The following XPR1 variants were observed in gnomAD, a reference collection of about 807,000 sequenced individuals.
XPR1 encodes the protein xenotropic and polytropic retrovirus receptor 1, also known as solute carrier family 53 member 1.
Under a neutral mutation model 87.5 loss-of-function variants are expected in XPR1, and 28 were observed. The ratio of observed to expected loss-of-function variants is 0.32; its 90% CI spans 0.24 to 0.44. The LOEUF is 0.44. Ranked by LOEUF, XPR1 falls within the 20% of genes least tolerant of loss-of-function variation. The pLI, the probability that XPR1 is intolerant of heterozygous loss-of-function variation, is 1.00. For missense variants in XPR1, 559 were observed against 862.3 expected (o/e 0.65, Z 4.41); for synonymous variants, 300 against 306.1 (o/e 0.98, Z 0.21).
At chr1:180,736,499 G>A (rs1435709577) in intron 2 of XPR1, among the ~76,000 whole-genome samples, 1 of 152,142 alleles carries the variant, frequency 6.6e-6, no homozygotes, top group Non-Finnish European at 1.5e-5. Context: ...GCATTCCGTA[G>A]TTTGTTAGTA....
intron 1 of XPR1, among the ~76,000 whole-genome samples, chr1:180,661,656 G>A (rs1229927265): frequency 6.6e-6 from 1 of 152,072 alleles, no homozygotes; most frequent in Non-Finnish European, 1.5e-5. Context: ...GATCACCTGA[G>A]GTCAGGAGTT....
intron 1 of XPR1, among the ~76,000 whole-genome samples, chr1:180,650,484 A>T (rs922317834): frequency 2.0e-5 from 3 of 152,236 alleles, no homozygotes; most frequent in Non-Finnish European, 4.4e-5. Flanking sequence ...TGAAAAGTAC[A>T]CATTTGTTGT....
chr1:180,873,693 C>T (rs1652575060), intron 12 of XPR1, 110 bp from the exon 13 acceptor site: 1 of 1,204,958 alleles, frequency 8.3e-7, no homozygotes, highest in Non-Finnish European at 1.2e-6. Context: ...TGAGCCTGTG[C>T]TTATTCGTAG....
At chr1:180,678,274 A>G (rs183615221) in intron 1 of XPR1, among the ~76,000 whole-genome samples, 2 of 152,294 alleles carry the variant, frequency 1.3e-5, no homozygotes, top group Non-Finnish European at 1.5e-5. Context: ...TCAGTCTTCA[A>G]TCCTTCTCCC....
At chr1:180,826,877 G>A (rs1265583254) in intron 9 of XPR1, among the ~76,000 whole-genome samples, 1 of 151,932 alleles carries the variant, frequency 6.6e-6, no homozygotes, top group Non-Finnish European at 1.5e-5. Context: ...TGTAGAACCA[G>A]GTGCAGTGGC....
intron 2 of XPR1, among the ~76,000 whole-genome samples, chr1:180,784,593 GT>G (rs993503620): frequency 9.2e-5 from 14 of 151,930 alleles, no homozygotes; most frequent in African/African-American, 3.4e-4. Flanking sequence ...TGGCTTCTGT[GT>G]TTTGTGTAAT....
intron 1 of XPR1, among the ~76,000 whole-genome samples, chr1:180,638,318 A>G (rs1654854397): frequency 6.6e-6 from 1 of 152,240 alleles, no homozygotes; most frequent in South Asian, 2.1e-4. Flanking sequence ...GAGATACATA[A>G]TAAAACTTTT....
rs1571262187 is a variant in XPR1, at chr1:180,887,003, C to G, written c.*2937C>G. On this transcript the variant is annotated 3_prime_UTR_variant, in exon 15 of 15. Coordinates refer to ENST00000367590, the MANE Select transcript of XPR1 (RefSeq NM_004736.4). ...CCTGACCAACATGGTGAAACCCCGT[C>G]TCTACTAAAAATACAAAAATTAGCT... 1 of 152,378 alleles carries G rather than the reference C, an allele frequency of 6.6e-6. No homozygotes were observed. The highest frequency in any genetic ancestry group is 3.4e-3 in the Middle Eastern group (1 of 296). 9.4% of individuals were successfully genotyped at this position (152,378 alleles called of 1,614,324 possible).
At chr1:180,765,032 G>C (rs181632801) in intron 2 of XPR1, among the ~76,000 whole-genome samples, 1 of 151,988 alleles carries the variant, frequency 6.6e-6, no homozygotes, top group African/African-American at 2.4e-5. Flanking sequence ...TGATCCACCC[G>C]CCTTGGCCTC....
intron 2 of XPR1, among the ~76,000 whole-genome samples, chr1:180,748,846 C>T (rs1026925086): frequency 1.3e-5 from 2 of 152,270 alleles, no homozygotes; most frequent in Admixed American, 6.5e-5. Context: ...ATGTATATTA[C>T]GGAAATTGGC....
chr1:180,800,953 C>T (rs1649757906), intron 3 of XPR1, among the ~76,000 whole-genome samples: 1 of 152,092 alleles, frequency 6.6e-6, no homozygotes, highest in Non-Finnish European at 1.5e-5. Flanking sequence ...GCCACCAGAC[C>T]TGGAGTTTTT....
At chr1:180,724,954 C>T (rs1032651073) in intron 2 of XPR1, among the ~76,000 whole-genome samples, 6 of 152,148 alleles carry the variant, frequency 3.9e-5, no homozygotes, top group South Asian at 2.1e-4. Context: ...ACAAACCCGT[C>T]GCCATAAAAC....
At chr1:180,873,600 C>T (rs1282222456) in intron 12 of XPR1, among the ~76,000 whole-genome samples, 1 of 152,044 alleles carries the variant, frequency 6.6e-6, no homozygotes, top group East Asian at 1.9e-4. Flanking sequence ...GATATTATAC[C>T]ATTTAAGAAA....
intron 1 of XPR1, among the ~76,000 whole-genome samples, chr1:180,661,397 G>A (rs1305783109): frequency 1.3e-5 from 2 of 151,042 alleles, no homozygotes; most frequent in Non-Finnish European, 2.9e-5. Flanking sequence ...TTGTTTTCTG[G>A]TAGTCTCTTC....
intron 2 of XPR1, among the ~76,000 whole-genome samples, chr1:180,738,227 G>T (rs963234351): frequency 5.3e-5 from 8 of 152,080 alleles, no homozygotes; most frequent in African/African-American, 1.9e-4. Flanking sequence ...GGCCAGGCTG[G>T]TCTCAAACTC....
chr1:180,830,569 T>G (rs149714107), intron 9 of XPR1, among the ~76,000 whole-genome samples: 147 of 152,286 alleles, frequency 9.7e-4, no homozygotes, highest in African/African-American at 2.9e-3. Flanking sequence ...GATTCCCAAG[T>G]AGAATATGTC....
intron 8 of XPR1, 21 bp from the exon 9 acceptor site, chr1:180,825,144 G>C (rs369307904): frequency 6.4e-7 from 1 of 1,569,778 alleles, no homozygotes. Context: ...CTATCTTTCT[G>C]TCTTCCCCAT....
chr1:180,758,114 T>TACACACACACACACACACAC lies in XPR1; in HGVS notation c.122-29625_122-29606dup, dbSNP rs71121050. On this transcript the variant is annotated intron_variant, in intron 2 of 14. Transcript: ENST00000367590. ...ACATATATATGAACATATAGAAGGA[T>TACACACACACACACACACAC]ACACACACACACACACACACACACA... Among the ~76,000 whole-genome samples, 216 of 141,178 alleles carry TACACACACACACACACACAC rather than the reference T, an allele frequency of 1.5e-3. 2 individuals carry two copies. Among genetic ancestry groups the TACACACACACACACACACAC allele is most frequent in the Admixed American group, 2.8e-3 (39 of 13,902 alleles). 92.6% of individuals were successfully genotyped at this position (141,178 alleles called of 152,430 possible). A position where few individuals can be genotyped will look rare whatever the true frequency, so the allele number is the denominator to read the frequency against.
At chr1:180,864,809 A>G (rs1652334616) in intron 12 of XPR1, among the ~76,000 whole-genome samples, 1 of 152,224 alleles carries the variant, frequency 6.6e-6, no homozygotes, top group Non-Finnish European at 1.5e-5. Flanking sequence ...TGAACTGGTA[A>G]TCCTGAATGT....
Sources: allele counts gnomAD v4.1 joint callset (sites outside exome capture counted in the v4.1 genomes callset), GRCh38; gene constraint gnomAD v4.1.1; transcripts MANE v1.5; gene names NCBI Gene and HGNC (gene_info 2026-07-23, HGNC 2026-07-21).